The following SUCLG2 variants were observed in gnomAD, a reference collection of about 807,000 sequenced individuals.
SUCLG2 encodes the protein succinate-CoA ligase GDP-forming subunit beta.
SUCLG2 carries 42 observed loss-of-function variants against 47.9 expected under a neutral mutation model. That is an observed-to-expected ratio of 0.88 (90% confidence interval 0.69 to 1.14). The LOEUF is 1.14. Ranked by LOEUF, SUCLG2 falls within the 50% of genes most tolerant of loss-of-function variation. SUCLG2 has a pLI of 0.00. For synonymous variants in SUCLG2, 195 were observed against 197.3 expected, an observed-to-expected ratio of 0.99 and a Z score of 0.10; for missense variants, 571 against 525.9, an observed-to-expected ratio of 1.09 and a Z score of -0.84.
chr3:67,635,068 T>C (rs973546948), intron 1 of SUCLG2, among the ~76,000 whole-genome samples: 1 of 152,210 alleles, frequency 6.6e-6, no homozygotes, highest in Admixed American at 6.5e-5. Flanking sequence ...GCTATTCTCA[T>C]CTATTATACT....
At chr3:67,654,344 C>A (rs2107395133) in intron 1 of SUCLG2, among the ~76,000 whole-genome samples, 159 bp downstream of exon 1, 1 of 152,296 alleles carries the variant, frequency 6.6e-6, no homozygotes, top group East Asian at 1.9e-4. Context: ...AGCGGGGTTC[C>A]CTGCTGCGCC....
At chr3:67,378,942 A>G (rs551264714) in intron 10 of SUCLG2, among the ~76,000 whole-genome samples, 1 of 152,246 alleles carries the variant, frequency 6.6e-6, no homozygotes, top group African/African-American at 2.4e-5. Context: ...GGTAAATGAC[A>G]GTTACACGTG....
In SUCLG2 at chr3:67,620,436, T is replaced by C. The variant is rs564858254; in HGVS notation, c.85-10840A>G. ...CTTGTCTCTACTAAAAATACAAAAA[T>C]TAGCTGGGCGTGGTGGCACGCACCT... is the stretch of plus-strand genomic sequence containing the variant. On this transcript the variant is annotated intron_variant, in intron 1 of 10. Transcript: ENST00000307227. Among the ~76,000 whole-genome samples, 19 of 151,750 alleles carry C rather than the reference T, an allele frequency of 1.3e-4. No individual in the cohort carries two copies. In the South Asian group the frequency reaches 3.7e-3, roughly 30 times the overall value.
At chr3:67,651,145 CCTAA>C (rs1454943346) in intron 1 of SUCLG2, among the ~76,000 whole-genome samples, 1 of 152,182 alleles carries the variant, frequency 6.6e-6, no homozygotes, top group Non-Finnish European at 1.5e-5. Context: ...TCAAAGCCAG[CCTAA>C]CTTAGATTTA....
In SUCLG2 at chr3:67,646,407, C is replaced by G. The variant is rs550790469; in HGVS notation, c.84+8096G>C. Reference sequence around the variant, plus strand: ...GTCAGGAGTTGAAGACAAGCCTGGCCAACATGGTGAAACTCCATCTCTACT... The same window carrying G: ...GTCAGGAGTTGAAGACAAGCCTGGCGAACATGGTGAAACTCCATCTCTACT... On this transcript the variant is annotated intron_variant, in intron 1 of 10. Coordinates refer to ENST00000307227, the MANE Select transcript of SUCLG2 (RefSeq NM_003848.4). Among the ~76,000 whole-genome samples the G allele has an allele frequency of 3.9e-5, 6 of 152,158 alleles. No individual in the cohort carries two copies. The South Asian group carries it at 1.2e-3, about 32-fold the overall frequency.
intron 9 of SUCLG2, among the ~76,000 whole-genome samples, chr3:67,410,714 C>A (rs764105757): frequency 6.6e-6 from 1 of 151,828 alleles, no homozygotes. Context: ...AGATTTTGGT[C>A]ATACTATTTC....
intron 6 of SUCLG2, among the ~76,000 whole-genome samples, chr3:67,515,254 G>A (rs529007875): frequency 6.6e-6 from 1 of 152,192 alleles, no homozygotes; most frequent in South Asian, 2.1e-4. Context: ...TAAATATCTA[G>A]AATATCCAGA....
chr3:67,572,300 T>A (rs566610924), intron 2 of SUCLG2, among the ~76,000 whole-genome samples: 1 of 152,310 alleles, frequency 6.6e-6, no homozygotes, highest in Non-Finnish European at 1.5e-5. Flanking sequence ...GCACACTGTA[T>A]ATGTTAATTC....
intron 1 of SUCLG2, among the ~76,000 whole-genome samples, chr3:67,649,304 C>T (rs968924479): frequency 2.0e-5 from 3 of 152,186 alleles, no homozygotes; most frequent in Non-Finnish European, 4.4e-5. Flanking sequence ...TCTGTGCCCT[C>T]TGAAGGTAGG....
intron 2 of SUCLG2, among the ~76,000 whole-genome samples, chr3:67,561,822 G>C (rs143798277): frequency 6.6e-6 from 1 of 152,156 alleles, no homozygotes; most frequent in East Asian, 1.9e-4. Context: ...GTACATACCA[G>C]TTCAAAAGGC....
intron 1 of SUCLG2, among the ~76,000 whole-genome samples, chr3:67,641,619 A>C (rs1701101797): frequency 6.6e-6 from 1 of 152,134 alleles, no homozygotes; most frequent in African/African-American, 2.4e-5. Flanking sequence ...TGACTTTGTC[A>C]CTCTCATTCT....
At chr3:67,639,966 C>T (rs1701071544) in intron 1 of SUCLG2, among the ~76,000 whole-genome samples, 3 of 152,138 alleles carry the variant, frequency 2.0e-5, no homozygotes, top group Admixed American at 2.0e-4. Context: ...TTTATTTTAA[C>T]TTAAAGATAG....
intron 9 of SUCLG2, among the ~76,000 whole-genome samples, chr3:67,475,530 T>G (rs1341187756): frequency 6.6e-6 from 1 of 152,176 alleles, no homozygotes; most frequent in African/African-American, 2.4e-5. Flanking sequence ...GCCAGCCCAA[T>G]GAAATGTCCT....
intron 2 of SUCLG2, among the ~76,000 whole-genome samples, chr3:67,546,878 G>A (rs1364213108): frequency 6.6e-6 from 1 of 152,196 alleles, no homozygotes; most frequent in Non-Finnish European, 1.5e-5. Context: ...TCCAGCCTGG[G>A]TTACAGAGTG....
At chr3:67,580,394 G>A (rs1707851234) in intron 2 of SUCLG2, among the ~76,000 whole-genome samples, 1 of 151,976 alleles carries the variant, frequency 6.6e-6, no homozygotes, top group Non-Finnish European at 1.5e-5. Flanking sequence ...AATTTTACCT[G>A]TTCTTCTTCA....
intron 2 of SUCLG2, among the ~76,000 whole-genome samples, chr3:67,532,918 A>AT (rs1340291466): frequency 6.6e-6 from 1 of 152,164 alleles, no homozygotes; most frequent in East Asian, 1.9e-4. Flanking sequence ...ATTTTTATAG[A>AT]TCCCCAATAG....
chr3:67,574,718 T>C (rs1218803363), intron 2 of SUCLG2, among the ~76,000 whole-genome samples: 2 of 152,254 alleles, frequency 1.3e-5, no homozygotes, highest in African/African-American at 2.4e-5. Context: ...AGTTGGACTT[T>C]GTTAAAATTC....
intron 2 of SUCLG2, among the ~76,000 whole-genome samples, chr3:67,540,994 A>G (rs1706690456): frequency 6.6e-6 from 1 of 152,232 alleles, no homozygotes; most frequent in Non-Finnish European, 1.5e-5. Context: ...TAACAAACAG[A>G]AAGGAATAGT....
chr3:67,520,359 A>T, intron 5 of SUCLG2, 123 bp downstream of exon 5: 1 of 1,398,412 alleles, frequency 7.2e-7, no homozygotes. Flanking sequence ...AGGGCTCAGC[A>T]TCTTCTTACC....
Sources: gnomAD v4.1 joint callset for allele counts (sites outside exome capture counted in the v4.1 genomes callset) on GRCh38, gnomAD v4.1.1 for gene constraint, MANE v1.5 for transcripts, NCBI Gene and HGNC (gene_info 2026-07-23, HGNC 2026-07-21) for gene names.